Variants in LRCH1 observed in about 807,000 individuals in gnomAD.
LRCH1 encodes the protein leucine-rich repeat and calponin homology domain-containing protein 1.
LRCH1 carries 23 observed loss-of-function variants against 94.9 expected under a neutral mutation model. The ratio of observed to expected loss-of-function variants is 0.24; its 90% CI spans 0.17 to 0.34. The LOEUF is 0.34. LRCH1 is among the 10% of genes least tolerant of loss of function. LRCH1 has a pLI of 1.00. For missense variants in LRCH1, 790 were observed against 945.9 expected, an observed-to-expected ratio of 0.84 and a Z score of 2.16; for synonymous variants, 364 against 354.9, an observed-to-expected ratio of 1.03 and a Z score of -0.29.
intron 1 of LRCH1, among the ~76,000 whole-genome samples, chr13:46,640,242 A>G (rs2051141557): frequency 6.6e-6 from 1 of 152,234 alleles, no homozygotes. Context: ...CATAATCATG[A>G]TAGCAGTTAT....
intron 1 of LRCH1, among the ~76,000 whole-genome samples, chr13:46,581,596 A>G (rs926558863): frequency 8.5e-5 from 13 of 152,208 alleles, no homozygotes; most frequent in African/African-American, 3.1e-4. Flanking sequence ...TCCCCGTGTT[A>G]GATGTGAGGA....
chr13:46,737,269 T>G (rs1415684523), intron 19 of LRCH1, among the ~76,000 whole-genome samples: 1 of 152,058 alleles, frequency 6.6e-6, no homozygotes, highest in Non-Finnish European at 1.5e-5. Flanking sequence ...TTAAAAAAAT[T>G]TGTTATGATT....
chr13:46,699,010 T>C (rs1249895434), intron 9 of LRCH1, among the ~76,000 whole-genome samples: 2 of 152,240 alleles, frequency 1.3e-5, no homozygotes, highest in Non-Finnish European at 1.5e-5. Flanking sequence ...CTGGATGAAT[T>C]TGATTACTGT....
intron 18 of LRCH1, among the ~76,000 whole-genome samples, 153 bp from the exon 19 acceptor site, chr13:46,733,768 T>C (rs1437769041): frequency 1.3e-5 from 2 of 152,204 alleles, no homozygotes; most frequent in African/African-American, 2.4e-5. Context: ...TTCTGAGTGA[T>C]ATTTTGTTTT....
At chr13:46,715,321 C>G (rs911026361) in intron 15 of LRCH1, among the ~76,000 whole-genome samples, 1 of 152,158 alleles carries the variant, frequency 6.6e-6, no homozygotes, top group Non-Finnish European at 1.5e-5. Flanking sequence ...CAAATATGAA[C>G]TGCATGCAAA....
intron 13 of LRCH1, among the ~76,000 whole-genome samples, chr13:46,707,002 A>G (rs1871796368): frequency 6.6e-6 from 1 of 152,176 alleles, no homozygotes; most frequent in Non-Finnish European, 1.5e-5. Context: ...TTTATCTTAC[A>G]CAATCAATTT....
chr13:46,563,270 C>A (rs934929904), intron 1 of LRCH1, among the ~76,000 whole-genome samples: 1 of 152,094 alleles, frequency 6.6e-6, no homozygotes, highest in African/African-American at 2.4e-5. Flanking sequence ...ATTTGAAAGT[C>A]CCTTACACAT....
chr13:46,746,904 C>A (rs565701950), downstream of LRCH1, among the ~76,000 whole-genome samples: 192 of 152,314 alleles, frequency 1.3e-3, 2 homozygotes, highest in African/African-American at 4.4e-3. Context: ...GAAGCCTCCC[C>A]TTGGCCATCC....
At chr13:46,696,404 T>A (rs1375508887) in intron 9 of LRCH1, among the ~76,000 whole-genome samples, 1 of 152,204 alleles carries the variant, frequency 6.6e-6, no homozygotes, top group African/African-American at 2.4e-5. Flanking sequence ...CATCTTAAGT[T>A]AAGAATCTAA....
chr13:46,557,542 T>TTTTTTTTTTTTTTTTTTGAG (rs1594241467), intron 1 of LRCH1, among the ~76,000 whole-genome samples: 1 of 148,428 alleles, frequency 6.7e-6, no homozygotes, highest in Non-Finnish European at 1.5e-5. Flanking sequence ...ACCCCATCTC[T>TTTTTTTTTTTTTTTTTTGAG]ACGAAAAATA....
chr13:46,628,660 G>GA (rs749021332), intron 1 of LRCH1, among the ~76,000 whole-genome samples: 24,572 of 117,818 alleles, frequency 0.21, 2,839 homozygotes, highest in East Asian at 0.3. Context: ...CTGTCTCAGG[G>GA]AAGAAAAAAA....
chr13:46,693,336 C>G (rs1871010712), intron 8 of LRCH1, among the ~76,000 whole-genome samples: 1 of 152,144 alleles, frequency 6.6e-6, no homozygotes. Flanking sequence ...CATACCATGA[C>G]TCCATCATCT....
chr13:46,729,034 G>T, intron 18 of LRCH1, 50 bp downstream of exon 18: 1 of 1,552,406 alleles, frequency 6.4e-7, no homozygotes, highest in Non-Finnish European at 8.8e-7. Context: ...ACCTTTAGGG[G>T]GCACTGTTGT....
At chr13:46,735,482 A>G (rs1873325591) in intron 19 of LRCH1, among the ~76,000 whole-genome samples, 1 of 152,232 alleles carries the variant, frequency 6.6e-6, no homozygotes, top group South Asian at 2.1e-4. Context: ...TTTTTGGCTT[A>G]CAGTGATATA....
chr13:46,613,929 T>G (rs1212066503), intron 1 of LRCH1, among the ~76,000 whole-genome samples: 1 of 152,196 alleles, frequency 6.6e-6, no homozygotes, highest in Non-Finnish European at 1.5e-5. Context: ...CTACACTTCC[T>G]TAGGTGAGCC....
intron 1 of LRCH1, among the ~76,000 whole-genome samples, chr13:46,608,292 C>T (rs1176815579): frequency 1.3e-5 from 2 of 152,160 alleles, no homozygotes; most frequent in African/African-American, 2.4e-5. Flanking sequence ...ATGGTACTCT[C>T]ATCATTAGAG....
chr13:46,750,788 A>G (rs941270142), exon 19 of LRCH1: 5 of 592,032 alleles, frequency 8.4e-6, no homozygotes, highest in African/African-American at 1.9e-5. Context: ...AACAATTTTC[A>G]GTCTAAGGGA....
intron 1 of LRCH1, among the ~76,000 whole-genome samples, chr13:46,604,907 G>A (rs1030627170): frequency 2.0e-5 from 3 of 152,348 alleles, no homozygotes; most frequent in African/African-American, 7.2e-5. Context: ...GGGCATCGGA[G>A]AATGTTCTCA....
intron 7 of LRCH1, 44 bp downstream of exon 7, chr13:46,689,240 A>G: frequency 1.4e-6 from 2 of 1,479,408 alleles, no homozygotes; most frequent in East Asian, 2.3e-5. Context: ...ACTTCTAGAC[A>G]TATCTACCAG....
Sources: allele counts gnomAD v4.1 joint callset (sites outside exome capture counted in the v4.1 genomes callset), GRCh38; gene constraint gnomAD v4.1.1; transcripts MANE v1.5; gene names NCBI Gene and HGNC (gene_info 2026-07-23, HGNC 2026-07-21).